Variants in CNTNAP2 observed in about 807,000 individuals in gnomAD.
The protein encoded by CNTNAP2 is contactin associated protein 2, also known as contactin-associated protein-like 2.
CNTNAP2 carries 98 observed loss-of-function variants against 155.2 expected under a neutral mutation model. The ratio of observed to expected loss-of-function variants is 0.63; its 90% CI spans 0.54 to 0.75. CNTNAP2 has a LOEUF of 0.75. CNTNAP2 is among the 30% of genes least tolerant of loss of function. The pLI is 0.00. For synonymous variants in CNTNAP2, 651 were observed against 631.2 expected (o/e 1.03, Z -0.47); for missense variants, 1,727 against 1,688.1 (o/e 1.02, Z -0.40).
At chr7:148,268,770 G>T (rs542054841) in intron 21 of CNTNAP2, among the ~76,000 whole-genome samples, 8 of 152,114 alleles carry the variant, frequency 5.3e-5, no homozygotes, top group African/African-American at 7.2e-5. Context: ...ATTGTATGAG[G>T]TAGTTAAGAT....
chr7:146,413,540 C>T (rs1425497053), intron 1 of CNTNAP2, among the ~76,000 whole-genome samples: 1 of 152,188 alleles, frequency 6.6e-6, no homozygotes, highest in East Asian at 1.9e-4. Context: ...GCTTCAGTCT[C>T]AAAACAGTTA....
At chr7:146,638,749 T>C (rs974337699) in intron 1 of CNTNAP2, among the ~76,000 whole-genome samples, 4 of 151,894 alleles carry the variant, frequency 2.6e-5, no homozygotes, top group Admixed American at 6.6e-5. Flanking sequence ...CCTCCCAAAG[T>C]GTTGGGATTA....
rs80338601 is a variant in CNTNAP2, at chr7:148,307,245, C to T, written c.3475+40119C>T. 5.8e-4 allele frequency among the ~76,000 whole-genome samples: 88 copies of T among 152,218 alleles called. 1 individual carries two copies. The East Asian group carries it at 0.016, about 28-fold the overall frequency. ...CAGAGAATACATCGTTCCTCTTCTG[C>T]CAGAGTGAGGGGAGGACAGATGCCT... On this transcript the variant is annotated intron_variant, in intron 21 of 23. Coordinates refer to ENST00000361727, the MANE Select transcript of CNTNAP2 (RefSeq NM_014141.6).
At chr7:147,615,446 T>TA (rs61409986) in intron 12 of CNTNAP2, among the ~76,000 whole-genome samples, 8 of 150,538 alleles carry the variant, frequency 5.3e-5, no homozygotes, top group African/African-American at 9.8e-5. Flanking sequence ...AAAAAACTGT[T>TA]AAAAAAAAAG....
chr7:146,819,481 T>C (rs1216964307), intron 2 of CNTNAP2, among the ~76,000 whole-genome samples: 1 of 152,134 alleles, frequency 6.6e-6, no homozygotes, highest in Non-Finnish European at 1.5e-5. Context: ...CACTTGGCAT[T>C]CCTTTTCTTT....
intron 18 of CNTNAP2, among the ~76,000 whole-genome samples, chr7:148,189,339 G>A (rs777338147): frequency 2.6e-5 from 4 of 152,124 alleles, no homozygotes; most frequent in African/African-American, 4.8e-5. Context: ...TTAGAAAGAC[G>A]GCAAGCAAAT....
intron 8 of CNTNAP2, among the ~76,000 whole-genome samples, chr7:147,218,354 A>C (rs1183927715): frequency 6.6e-6 from 1 of 151,802 alleles, no homozygotes; most frequent in African/African-American, 2.4e-5. Context: ...TTATTTACTT[A>C]AAAATATGAA....
chr7:147,301,406 G>T (rs910263959), intron 9 of CNTNAP2, among the ~76,000 whole-genome samples: 2 of 152,030 alleles, frequency 1.3e-5, no homozygotes, highest in African/African-American at 4.8e-5. Context: ...TTAGATTATT[G>T]TGTTTCCTGT....
chr7:146,640,501 A>T (rs1188614627), intron 1 of CNTNAP2, among the ~76,000 whole-genome samples: 2 of 152,236 alleles, frequency 1.3e-5, no homozygotes, highest in Non-Finnish European at 2.9e-5. Context: ...TGCAATGTGT[A>T]GAGTATGCTC....
intron 13 of CNTNAP2, among the ~76,000 whole-genome samples, chr7:147,646,111 G>A (rs1214584244): frequency 6.6e-6 from 1 of 152,176 alleles, no homozygotes; most frequent in Non-Finnish European, 1.5e-5. Flanking sequence ...GGCCAGCTGG[G>A]ACTTGAGAGA....
intron 3 of CNTNAP2, among the ~76,000 whole-genome samples, chr7:147,041,373 A>C (rs368686376): frequency 6.6e-6 from 1 of 152,166 alleles, no homozygotes; most frequent in Admixed American, 6.5e-5. Flanking sequence ...GGAAAGGAAA[A>C]GTATTTTTTT....
intron 13 of CNTNAP2, chr7:147,672,054 A>T (rs115953096): frequency 6.6e-6 from 1 of 152,310 alleles, no homozygotes; most frequent in African/African-American, 2.4e-5. Flanking sequence ...GACTAAAAAA[A>T]AGTACTTTAA....
chr7:146,380,180 T>G (rs1429942215), intron 1 of CNTNAP2, among the ~76,000 whole-genome samples: 2 of 152,214 alleles, frequency 1.3e-5, no homozygotes, highest in Non-Finnish European at 2.9e-5. Flanking sequence ...ATTTTGCATT[T>G]TAACTGAGCA....
In CNTNAP2 at chr7:147,108,157, T is replaced by C. The variant is rs201200400; in HGVS notation, c.561T>C (p.Val187=). The part of the protein sequence containing the change: ...EVYGCSYWAD[V]INFDGHVVLP... Reference sequence around the variant, plus strand: ...TTTTTTTTGTTTTAGGGGCTGATGTTATCAACTTTGATGGCCATGTTGTAT... The same window carrying C: ...TTTTTTTTGTTTTAGGGGCTGATGTCATCAACTTTGATGGCCATGTTGTAT... Residue 187 remains valine (V), a synonymous_variant, in exon 5 of 24, where the codon GTT becomes GTC. Coordinates refer to ENST00000361727, the MANE Select transcript of CNTNAP2 (RefSeq NM_014141.6). The C allele has an allele frequency of 1.2e-4, 198 of 1,613,424 alleles. No individual in the cohort carries two copies. Among genetic ancestry groups the C allele is most frequent in the Admixed American group, 2.2e-4 (13 of 59,954 alleles).
chr7:147,365,941 T>A (rs531057948), intron 9 of CNTNAP2, among the ~76,000 whole-genome samples: 254 of 152,338 alleles, frequency 1.7e-3, no homozygotes, highest in Non-Finnish European at 3.0e-3. Context: ...CTGGCTTTCA[T>A]TCTCTTTCCT....
chr7:147,137,465 A>G (rs1409323125), intron 8 of CNTNAP2, among the ~76,000 whole-genome samples: 5 of 151,704 alleles, frequency 3.3e-5, no homozygotes, highest in Non-Finnish European at 5.9e-5. Flanking sequence ...TCCAATAAAC[A>G]TCAATTGTTC....
At chr7:147,218,905 CTT>C (rs928418490) in intron 8 of CNTNAP2, among the ~76,000 whole-genome samples, 1 of 152,154 alleles carries the variant, frequency 6.6e-6, no homozygotes, top group Non-Finnish European at 1.5e-5. Flanking sequence ...TTGCTGCTCT[CTT>C]GTTAGGCACA....
At chr7:147,415,164 A>G (rs1253995638) in intron 10 of CNTNAP2, among the ~76,000 whole-genome samples, 2 of 151,964 alleles carry the variant, frequency 1.3e-5, no homozygotes, top group East Asian at 3.9e-4. Flanking sequence ...GGAGCATACA[A>G]TTGCTTATGC....
At chr7:146,718,486 G>T (rs1801229841) in intron 1 of CNTNAP2, among the ~76,000 whole-genome samples, 1 of 151,986 alleles carries the variant, frequency 6.6e-6, no homozygotes, top group African/African-American at 2.4e-5. Context: ...CTGTGACTGG[G>T]AACCTCTGTT....
Sources: gnomAD v4.1 joint callset for allele counts (sites outside exome capture counted in the v4.1 genomes callset) on GRCh38, gnomAD v4.1.1 for gene constraint, MANE v1.5 for transcripts, NCBI Gene and HGNC (gene_info 2026-07-23, HGNC 2026-07-21) for gene names.